The following EPHA6 variants were observed in gnomAD, a reference collection of about 807,000 sequenced individuals.
EPHA6 encodes EPH receptor A6.
EPHA6 carries 50 observed loss-of-function variants against 112.0 expected under a neutral mutation model. That is an observed-to-expected ratio of 0.45 (90% CI 0.36 to 0.56). The LOEUF is 0.56. Among genes scored for constraint, EPHA6 ranks in the 20% least tolerant of loss-of-function variants. EPHA6 has a pLI of 0.00. For missense variants in EPHA6, 1,280 were observed against 1,417.4 expected, an observed-to-expected ratio of 0.90 and a Z score of 1.56; for synonymous variants, 529 against 490.7, an observed-to-expected ratio of 1.08 and a Z score of -1.03.
intron 16 of EPHA6, among the ~76,000 whole-genome samples, chr3:97,739,533 C>A (rs1165039830): frequency 6.6e-6 from 1 of 152,102 alleles, no homozygotes; most frequent in African/African-American, 2.4e-5. Context: ...TTTATACTAA[C>A]ATATTGGAAA....
At chr3:97,444,668 T>A (rs1024037166) in intron 6 of EPHA6, among the ~76,000 whole-genome samples, 4 of 152,104 alleles carry the variant, frequency 2.6e-5, no homozygotes, top group Non-Finnish European at 5.9e-5. Flanking sequence ...CTAGAATTTT[T>A]TCCATGCTGT....
chr3:97,477,440 G>GA (rs1157116808), intron 8 of EPHA6, among the ~76,000 whole-genome samples: 1,811 of 136,738 alleles, frequency 0.013, 35 homozygotes, highest in African/African-American at 0.047. Flanking sequence ...GAGAGAGGAA[G>GA]GGAAGGGAAG....
At chr3:97,452,845 T>C (rs2107341176) in intron 7 of EPHA6, among the ~76,000 whole-genome samples, 1 of 151,862 alleles carries the variant, frequency 6.6e-6, no homozygotes, top group East Asian at 1.9e-4. Flanking sequence ...ACTGCTCAAA[T>C]TTATTATTAT....
In EPHA6 at chr3:97,369,370, G is replaced by A. The variant is rs551391703; in HGVS notation, c.1607-35780G>A. 4.6e-5 allele frequency among the ~76,000 whole-genome samples: 7 copies of A among 152,288 alleles called. No homozygotes were observed. The South Asian group carries it at 1.2e-3, about 27-fold the overall frequency. On this transcript the variant is annotated intron_variant, in intron 5 of 17. Coordinates refer to ENST00000389672, the MANE Select transcript of EPHA6 (RefSeq NM_001080448.3). Reference sequence around the variant, plus strand: ...GAAAGGTGGCTTGGACTGGAGTGGTGGCAGTGGACATATAGAAAAGTGGGT... The same window carrying A: ...GAAAGGTGGCTTGGACTGGAGTGGTAGCAGTGGACATATAGAAAAGTGGGT...
intron 3 of EPHA6, among the ~76,000 whole-genome samples, chr3:97,185,704 C>G (rs1392302568): frequency 6.6e-6 from 1 of 152,064 alleles, no homozygotes. Flanking sequence ...CCAGCCATCC[C>G]ATTACTGGGT....
intron 3 of EPHA6, among the ~76,000 whole-genome samples, chr3:97,186,976 A>G (rs997524450): frequency 2.0e-5 from 3 of 152,134 alleles, no homozygotes; most frequent in African/African-American, 7.2e-5. Context: ...CTAGAAGACC[A>G]TATCACACCT....
At chr3:97,423,938 T>G (rs1412673874) in intron 6 of EPHA6, among the ~76,000 whole-genome samples, 1 of 152,208 alleles carries the variant, frequency 6.6e-6, no homozygotes, top group Non-Finnish European at 1.5e-5. Context: ...CAGAAATAAC[T>G]GGTTAGTCAT....
chr3:96,874,470 T>G (rs146211383), intron 2 of EPHA6, among the ~76,000 whole-genome samples: 1 of 152,224 alleles, frequency 6.6e-6, no homozygotes, highest in Admixed American at 6.5e-5. Context: ...GTAGGCTAAT[T>G]AAGTGTAAAA....
At chr3:97,156,012 G>A (rs1394918688) in intron 3 of EPHA6, among the ~76,000 whole-genome samples, 1 of 152,040 alleles carries the variant, frequency 6.6e-6, no homozygotes, top group Admixed American at 6.6e-5. Flanking sequence ...CCTATATTAA[G>A]GTCTGTAACC....
chr3:96,865,694 C>CAAAAAAAAAAA (rs57565102), intron 1 of EPHA6, among the ~76,000 whole-genome samples: 3 of 82,004 alleles, frequency 3.7e-5, no homozygotes, highest in Non-Finnish European at 5.3e-5. Context: ...AAAAAACAAA[C>CAAAAAAAAAAA]AAAAAAAAAA....
At position 97,013,573 on chromosome 3, in the gene EPHA6, C is replaced by T. The variant is rs549893915; in HGVS notation, c.1114+25580C>T. ...AAACAATACATAAATCCTTGGAACA[C>T]AGTACTATTTATAATTGTGCTGTTG... On this transcript the variant is annotated intron_variant, in intron 3 of 17. Transcript: ENST00000389672. Among the ~76,000 whole-genome samples the T allele has an allele frequency of 1.8e-4, 28 of 152,206 alleles. No individual in the cohort carries two copies. In the South Asian group the frequency reaches 4.8e-3, roughly 26 times the overall value.
intron 3 of EPHA6, among the ~76,000 whole-genome samples, chr3:97,089,602 C>T (rs1351240316): frequency 2.6e-5 from 4 of 152,160 alleles, no homozygotes; most frequent in Non-Finnish European, 5.9e-5. Context: ...AAAGGAGCTA[C>T]TCAAACAAAT....
In EPHA6 at chr3:97,747,511, A is replaced by C; in HGVS notation, c.3217A>C (p.Lys1073Gln). Residue 1073 changes from lysine (K) to glutamine (Q), a missense_variant, in exon 17 of 18, where the codon AAG (lysine) becomes CAG (glutamine). Transcript: ENST00000389672. ...WLDSIKMGQY[K>Q]NNFVAAGFTT... ...AGATTCTATAAAGATGGGGCAATAC[A>C]AGAATAACTTCGTGGCAGCAGGGTT... The C allele has an allele frequency of 6.2e-7, 1 of 1,611,050 alleles. No individual in the cohort carries two copies. Among genetic ancestry groups the C allele is most frequent in the South Asian group, 1.1e-5 (1 of 90,580 alleles).
chr3:97,032,735 A>C (rs755080842), intron 3 of EPHA6, among the ~76,000 whole-genome samples: 1 of 151,998 alleles, frequency 6.6e-6, no homozygotes, highest in African/African-American at 2.4e-5. Flanking sequence ...TTTACACACT[A>C]TGAGGTACTG....
intron 14 of EPHA6, among the ~76,000 whole-genome samples, chr3:97,661,763 T>TTCC (rs2094171076): frequency 6.6e-6 from 1 of 152,164 alleles, no homozygotes; most frequent in Admixed American, 6.6e-5. Context: ...TAAGCATTCC[T>TTCC]TCCCAGTCAG....
intron 5 of EPHA6, among the ~76,000 whole-genome samples, chr3:97,304,886 A>G (rs929317883): frequency 2.6e-5 from 4 of 152,126 alleles, no homozygotes; most frequent in Non-Finnish European, 4.4e-5. Flanking sequence ...AAAATTGACA[A>G]ATGGGGTCCA....
intron 3 of EPHA6, among the ~76,000 whole-genome samples, chr3:97,026,600 A>G (rs1461125614): frequency 6.6e-6 from 1 of 151,924 alleles, no homozygotes; most frequent in Non-Finnish European, 1.5e-5. Flanking sequence ...GAAATTTACA[A>G]GAAGACAACC....
chr3:97,092,731 C>A (rs1422601114), intron 3 of EPHA6, among the ~76,000 whole-genome samples: 7 of 152,028 alleles, frequency 4.6e-5, no homozygotes, highest in African/African-American at 1.7e-4. Flanking sequence ...TGTATTTAGA[C>A]CCATCCAGGT....
chr3:97,244,237 G>A lies in EPHA6; in HGVS notation c.1556G>A (p.Ser519Asn), dbSNP rs1229556397. 4 of 1,613,188 alleles carry A rather than the reference G, an allele frequency of 2.5e-6. No homozygotes were observed. Among genetic ancestry groups the A allele is most frequent in the African/African-American group, 2.7e-5 (2 of 74,982 alleles). The change falls in exon 5 of 18, where the codon AGT becomes AAT. Residue 519 changes from serine (S) to asparagine (N), a missense_variant. Physicochemically the swap from Ser to Asn is conservative, Grantham distance 46. Around this residue, in one of 4 missense-constraint regions of EPHA6, gnomAD observed 878 missense variants for 999.7 expected, o/e 0.88. Coordinates refer to ENST00000389672, the MANE Select transcript of EPHA6 (RefSeq NM_001080448.3). Reference protein sequence around the residue: ...IEAMNGVSELSFSPKPFTAIT... With the variant: ...IEAMNGVSELNFSPKPFTAIT... ...GCAATGAATGGAGTTTCTGAGTTGAGTTTTTCTCCCAAGCCATTCACAGCT... is the reference window on the plus strand; with the variant it reads ...GCAATGAATGGAGTTTCTGAGTTGAATTTTTCTCCCAAGCCATTCACAGCT...
Sources: gnomAD v4.1 joint callset for allele counts (sites outside exome capture counted in the v4.1 genomes callset) on GRCh38, gnomAD v4.1.1 for gene constraint, gnomAD v4.1.1 regional missense constraint, MANE v1.5 for transcripts, NCBI Gene and HGNC (gene_info 2026-07-23, HGNC 2026-07-21) for gene names.